The following ANKRD17 variants were observed in gnomAD, a reference collection of about 807,000 sequenced individuals.
The protein encoded by ANKRD17 is ankyrin repeat domain-containing protein 17.
ANKRD17 carries 19 observed loss-of-function variants against 229.7 expected under a neutral mutation model. The observed-to-expected ratio is 0.08, with a 90% CI of 0.06 to 0.12. The LOEUF (loss-of-function observed/expected upper bound fraction) is 0.12, where lower values mean the gene tolerates loss of function less well. Among genes scored for constraint, ANKRD17 ranks in the 10% least tolerant of loss-of-function variants. The pLI, the probability that ANKRD17 is intolerant of heterozygous loss-of-function variation, is 1.00. For synonymous variants in ANKRD17, 1,112 were observed against 1,146.1 expected (o/e 0.97, Z 0.60); for missense variants, 2,176 against 3,176.8 (o/e 0.68, Z 7.57).
At chr4:73,191,251 G>A (rs1737027110) in intron 1 of ANKRD17, among the ~76,000 whole-genome samples, 1 of 151,724 alleles carries the variant, frequency 6.6e-6, no homozygotes, top group African/African-American at 2.4e-5. Context: ...AAGATTTCAA[G>A]TCAGTAGGAA....
intron 1 of ANKRD17, among the ~76,000 whole-genome samples, chr4:73,238,285 A>AT (rs1299318396): frequency 6.6e-6 from 1 of 152,118 alleles, no homozygotes; most frequent in African/African-American, 2.4e-5. Flanking sequence ...GAGATATTTA[A>AT]TTTTTACATG....
At chr4:73,140,398 G>A in intron 14 of ANKRD17, 115 bp from the exon 15 acceptor site, 2 of 1,033,162 alleles carry the variant, frequency 1.9e-6, no homozygotes, top group South Asian at 2.7e-5. Flanking sequence ...ATCCATAACA[G>A]GTGAAAATGC....
At chr4:73,240,183 AC>A (rs1743886450) in intron 1 of ANKRD17, among the ~76,000 whole-genome samples, 1 of 152,166 alleles carries the variant, frequency 6.6e-6, no homozygotes, top group Non-Finnish European at 1.5e-5. Flanking sequence ...ATCAGTAAGA[AC>A]ACTATATAGA....
intron 1 of ANKRD17, among the ~76,000 whole-genome samples, chr4:73,213,739 A>G (rs1740633244): frequency 6.6e-6 from 1 of 152,208 alleles, no homozygotes; most frequent in Non-Finnish European, 1.5e-5. Flanking sequence ...TAAATCTTAA[A>G]TGACTCAATT....
chr4:73,144,328 C>T (rs771859253), intron 11 of ANKRD17, among the ~76,000 whole-genome samples: 1 of 152,156 alleles, frequency 6.6e-6, no homozygotes, highest in Non-Finnish European at 1.5e-5. Context: ...TTATAACCAG[C>T]TCCCTGTATT....
chr4:73,088,546 T>TA (rs1292306636), intron 29 of ANKRD17, among the ~76,000 whole-genome samples: 7 of 152,212 alleles, frequency 4.6e-5, no homozygotes, highest in Non-Finnish European at 5.9e-5. Flanking sequence ...TTTGGAAAGG[T>TA]AAAGTATTAA....
In ANKRD17 at chr4:73,077,612, T is replaced by C. The variant is rs1386215035; in HGVS notation, c.7409-79A>G. ...CAAATATTTTGTTTTTCTAATATTTTCCACATTGAACCGTAAATTATTTCA... is the reference window on the plus strand; with the variant it reads ...CAAATATTTTGTTTTTCTAATATTTCCCACATTGAACCGTAAATTATTTCA... On this transcript the variant is annotated intron_variant, in intron 31 of 33. Transcript: ENST00000358602. 4.3e-5 allele frequency: 56 copies of C among 1,296,312 alleles called. 1 individual carries two copies. Among genetic ancestry groups the C allele is most frequent in the Non-Finnish European group, 6.2e-6 (6 of 974,550 alleles). 80.3% of individuals were successfully genotyped at this position (1,296,312 alleles called of 1,614,324 possible).
At chr4:73,114,471 T>G (rs966995864) in intron 23 of ANKRD17, among the ~76,000 whole-genome samples, 13 of 152,100 alleles carry the variant, frequency 8.5e-5, no homozygotes, top group Non-Finnish European at 1.5e-4. Flanking sequence ...ATTTTAGAGA[T>G]AGGGGCTTGC....
intron 3 of ANKRD17, among the ~76,000 whole-genome samples, chr4:73,158,152 A>AAAGAAAGAAAGAAAG (rs1731954360): frequency 4.7e-5 from 6 of 128,708 alleles, no homozygotes; most frequent in Non-Finnish European, 8.1e-5. Context: ...GAAAGGAAGA[A>AAAGAAAGAAAGAAAG]AAAGAAAGAA....
In ANKRD17 at chr4:73,140,071, C is replaced by T; in HGVS notation, c.2545G>A (p.Glu849Lys). The T allele has an allele frequency of 6.2e-7, 1 of 1,614,164 alleles. No homozygotes were observed. Among genetic ancestry groups the T allele is most frequent in the Non-Finnish European group, 8.5e-7 (1 of 1,180,042 alleles). ...HADQLTKEKI[E>K]ELNKTREEQI... ...TCCTCCCTTGTTTTGTTGAGCTCCT[C>T]GATCTTCTCCTTGGTAAGTTGGTCA... Residue 849 changes from glutamate to lysine, a missense_variant, in exon 15 of 34, where the codon GAG becomes AAG. This residue lies in a region of ANKRD17 where 275 missense variants were observed against 386.9 expected (regional missense o/e 0.71). Transcript: ENST00000358602.
intron 26 of ANKRD17, among the ~76,000 whole-genome samples, chr4:73,097,666 T>C (rs1235785107): frequency 6.6e-6 from 1 of 152,156 alleles, no homozygotes; most frequent in Non-Finnish European, 1.5e-5. Context: ...GTTGAACTCC[T>C]GGGCCCAAAC....
chr4:73,238,091 A>T (rs533115299), intron 1 of ANKRD17, among the ~76,000 whole-genome samples: 5 of 141,400 alleles, frequency 3.5e-5, no homozygotes, highest in South Asian at 2.3e-4. Flanking sequence ...CTCCTAAATT[A>T]AAAAAAAAAA....
At chr4:73,231,050 T>C (rs1322479271) in intron 1 of ANKRD17, among the ~76,000 whole-genome samples, 1 of 152,222 alleles carries the variant, frequency 6.6e-6, no homozygotes, top group East Asian at 1.9e-4. Flanking sequence ...AGGTTAAATC[T>C]ATTGATGATA....
rs779110023 is a variant in ANKRD17, at chr4:73,142,231, T to G, written c.2229+11A>C. The G allele has an allele frequency of 1.3e-6, 2 of 1,530,024 alleles. No homozygotes were observed. The highest frequency in any genetic ancestry group is 4.9e-5 in the East Asian group (2 of 41,132). The allele number at this position is 1,530,024 out of a possible 1,614,324, so 94.8% of individuals were successfully genotyped here. A position where few individuals can be genotyped will look rare whatever the true frequency, so the allele number is the denominator to read the frequency against. On this transcript the variant is annotated intron_variant, in intron 13 of 33. Coordinates refer to ENST00000358602, the MANE Select transcript of ANKRD17 (RefSeq NM_032217.5). The stretch of plus-strand genomic sequence containing the variant: ...ACATACCATAAAATGCTTTAATTTT[T>G]AAAATCTTACCCTATTTAAATCGTG...
At chr4:73,132,116 T>A (rs1270725239) in intron 16 of ANKRD17, among the ~76,000 whole-genome samples, 2 of 151,868 alleles carry the variant, frequency 1.3e-5, no homozygotes, top group East Asian at 3.9e-4. Context: ...GTTGTTTTTT[T>A]TTTTTTTGAG....
chr4:73,099,940 G>A lies in ANKRD17; in HGVS notation c.4574-1420C>T, dbSNP rs368018455. Among the ~76,000 whole-genome samples the A allele has an allele frequency of 7.2e-5, 11 of 152,122 alleles. No individual in the cohort carries two copies. In the South Asian group the frequency reaches 1.9e-3, roughly 26 times the overall value. On this transcript the variant is annotated intron_variant, in intron 25 of 33. Transcript: ENST00000358602. ...TGGCTACCTGAGATGGGCTGGGGCC[G>A]CTCCCCCATACTTACTTTGCTTCTG... is the stretch of plus-strand genomic sequence containing the variant.
At chr4:73,100,642 G>C (rs145509038) in intron 25 of ANKRD17, among the ~76,000 whole-genome samples, 2 of 151,970 alleles carry the variant, frequency 1.3e-5, no homozygotes, top group African/African-American at 2.4e-5. Context: ...AAGTATCTGG[G>C]GGTGATTTCA....
intron 6 of ANKRD17, 23 bp downstream of exon 6, chr4:73,153,857 T>G: frequency 7.1e-7 from 1 of 1,415,644 alleles, no homozygotes; most frequent in Non-Finnish European, 9.3e-7. Context: ...AAAACTTTGT[T>G]TTAAGAAAGG....
intron 26 of ANKRD17, 117 bp from the exon 27 acceptor site, chr4:73,097,389 C>A: frequency 1.2e-6 from 1 of 858,334 alleles, no homozygotes; most frequent in Non-Finnish European, 1.7e-6. Flanking sequence ...AAATGACGAC[C>A]TTATTTTTCA....
Sources: allele counts gnomAD v4.1 joint callset (sites outside exome capture counted in the v4.1 genomes callset), GRCh38; gene constraint gnomAD v4.1.1; regional missense constraint gnomAD v4.1.1; transcripts MANE v1.5; gene names NCBI Gene and HGNC (gene_info 2026-07-23, HGNC 2026-07-21).